CTNNA2: variants seen among roughly 807,000 people sequenced by gnomAD.
CTNNA2 encodes the protein catenin alpha 2.
CTNNA2 carries 42 observed loss-of-function variants against 101.0 expected under a neutral mutation model. That is an observed-to-expected ratio of 0.42 (90% confidence interval 0.32 to 0.54). The LOEUF is 0.54. Among genes scored for constraint, CTNNA2 ranks in the 20% least tolerant of loss-of-function variants. The pLI is 0.14. For synonymous variants in CTNNA2, 450 were observed against 456.4 expected, an observed-to-expected ratio of 0.99 and a Z score of 0.18; for missense variants, 871 against 1,223.1, an observed-to-expected ratio of 0.71 and a Z score of 4.29.
chr2:79,260,201 G>A (rs187740864), intron 2 of CTNNA2, among the ~76,000 whole-genome samples: 1 of 152,062 alleles, frequency 6.6e-6, no homozygotes, highest in Non-Finnish European at 1.5e-5. Context: ...ACCAAGAAAG[G>A]CCTCACCCAC....
intron 7 of CTNNA2, among the ~76,000 whole-genome samples, chr2:80,144,650 T>A (rs573899138): frequency 1.8e-4 from 27 of 152,300 alleles, no homozygotes; most frequent in Admixed American, 2.6e-4. Flanking sequence ...ATTTTTCACT[T>A]TCGCCCAAGT....
At chr2:79,685,520 A>G (rs1312409648) in intron 2 of CTNNA2, among the ~76,000 whole-genome samples, 2 of 152,168 alleles carry the variant, frequency 1.3e-5, no homozygotes, top group Non-Finnish European at 2.9e-5. Flanking sequence ...GCGACCCCCA[A>G]GGTTAGCTCC....
chr2:80,587,629 C>A (rs1340960491), intron 14 of CTNNA2, among the ~76,000 whole-genome samples: 1 of 152,142 alleles, frequency 6.6e-6, no homozygotes, highest in Non-Finnish European at 1.5e-5. Flanking sequence ...TTGCCTGATA[C>A]CTCTATTAGA....
intron 7 of CTNNA2, among the ~76,000 whole-genome samples, chr2:80,113,985 C>A (rs1476016000): frequency 1.3e-5 from 2 of 152,158 alleles, no homozygotes; most frequent in Admixed American, 6.5e-5. Flanking sequence ...TTTTTCAGGG[C>A]AAACTCTTCC....
At chr2:80,216,113 G>T (rs565693772) in intron 7 of CTNNA2, among the ~76,000 whole-genome samples, 6 of 152,188 alleles carry the variant, frequency 3.9e-5, no homozygotes, top group Non-Finnish European at 8.8e-5. Flanking sequence ...TGTTGGAAAA[G>T]CGCAGTATTA....
intron 12 of CTNNA2, among the ~76,000 whole-genome samples, chr2:80,569,489 A>G (rs1484822677): frequency 6.6e-6 from 1 of 152,074 alleles, no homozygotes; most frequent in Non-Finnish European, 1.5e-5. Flanking sequence ...TTATATTCCT[A>G]TATCAAAAAC....
chr2:80,082,148 C>G (rs1699192002), intron 7 of CTNNA2, among the ~76,000 whole-genome samples: 1 of 152,048 alleles, frequency 6.6e-6, no homozygotes, highest in Non-Finnish European at 1.5e-5. Context: ...CTTTTTGAGT[C>G]ATATTTTGTC....
intron 7 of CTNNA2, among the ~76,000 whole-genome samples, chr2:80,056,267 C>G (rs1267969526): frequency 6.6e-6 from 1 of 152,176 alleles, no homozygotes; most frequent in East Asian, 1.9e-4. Context: ...TGCATGCATC[C>G]CTTTCTGCCT....
intron 12 of CTNNA2, among the ~76,000 whole-genome samples, chr2:80,566,718 G>A (rs1013286419): frequency 1.3e-5 from 2 of 152,160 alleles, no homozygotes; most frequent in Non-Finnish European, 2.9e-5. Context: ...AAGGTGATTG[G>A]AGAAGTGGGT....
At chr2:80,140,846 G>A (rs749797717) in intron 7 of CTNNA2, among the ~76,000 whole-genome samples, 2 of 152,026 alleles carry the variant, frequency 1.3e-5, no homozygotes, top group African/African-American at 4.8e-5. Flanking sequence ...AACTGATTGC[G>A]AGTAGATTAA....
chr2:80,199,832 T>A (rs1267336248), intron 7 of CTNNA2, among the ~76,000 whole-genome samples: 1 of 152,202 alleles, frequency 6.6e-6, no homozygotes, highest in African/African-American at 2.4e-5. Context: ...AAGAAAGGGC[T>A]ATTAGCTCCT....
intron 3 of CTNNA2, among the ~76,000 whole-genome samples, chr2:79,317,319 T>G (rs897495913): frequency 6.6e-6 from 1 of 152,096 alleles, no homozygotes; most frequent in East Asian, 1.9e-4. Context: ...ACTCTTTTAT[T>G]GAGGACTTTT....
At position 79,598,927 on chromosome 2, in the gene CTNNA2, T is replaced by G. The variant is rs147478548; in HGVS notation, c.-5-52625T>G. Among the ~76,000 whole-genome samples the G allele has an allele frequency of 1.2e-4, 18 of 152,326 alleles. 1 individual carries two copies. In the South Asian group the frequency reaches 3.5e-3, roughly 30 times the overall value. ...CTTATGTTATCTTTTAGAAGTTTTATAGTTTTGCATTTTATGTTTACATCT... is the reference window on the plus strand; with the variant it reads ...CTTATGTTATCTTTTAGAAGTTTTAGAGTTTTGCATTTTATGTTTACATCT... On this transcript the variant is annotated intron_variant, in intron 1 of 18. Transcript: ENST00000402739.
At chr2:79,285,860 A>C (rs1675559822) in intron 2 of CTNNA2, among the ~76,000 whole-genome samples, 1 of 147,356 alleles carries the variant, frequency 6.8e-6, no homozygotes, top group Admixed American at 6.6e-5. Context: ...GGGGTGTTAA[A>C]GTCTCCCATT....
intron 1 of CTNNA2, among the ~76,000 whole-genome samples, chr2:79,590,407 A>C (rs1468512094): frequency 6.6e-6 from 1 of 152,182 alleles, no homozygotes; most frequent in Non-Finnish European, 1.5e-5. Context: ...TAGTCTATAG[A>C]ATATCTTCAG....
chr2:79,959,543 G>T (rs1421873895), intron 7 of CTNNA2, among the ~76,000 whole-genome samples: 1 of 152,102 alleles, frequency 6.6e-6, no homozygotes, highest in Non-Finnish European at 1.5e-5. Flanking sequence ...ATGTGAAAAT[G>T]CAGGATTCCT....
At chr2:79,718,438 A>G (rs1280664777) in intron 2 of CTNNA2, among the ~76,000 whole-genome samples, 1 of 152,218 alleles carries the variant, frequency 6.6e-6, no homozygotes, top group Non-Finnish European at 1.5e-5. Flanking sequence ...TGACTCAGGT[A>G]ATAAACAGAA....
At chr2:79,569,026 C>A (rs1675300444) in intron 1 of CTNNA2, among the ~76,000 whole-genome samples, 1 of 151,840 alleles carries the variant, frequency 6.6e-6, no homozygotes, top group African/African-American at 2.4e-5. Context: ...AGAGCAAGAC[C>A]CCGTCTCAAA....
chr2:79,449,229 T>C (rs1678864457), intron 4 of CTNNA2, among the ~76,000 whole-genome samples: 2 of 152,016 alleles, frequency 1.3e-5, no homozygotes, highest in African/African-American at 4.8e-5. Context: ...AGGGAGATCA[T>C]TTTTTCCCAT....
Sources: allele counts gnomAD v4.1 joint callset (sites outside exome capture counted in the v4.1 genomes callset), GRCh38; gene constraint gnomAD v4.1.1; transcripts MANE v1.5; gene names NCBI Gene and HGNC (gene_info 2026-07-23, HGNC 2026-07-21).